Variants in ATG10 observed in about 807,000 individuals in gnomAD.
ATG10 encodes the protein autophagy related 10, also known as ubiquitin-like-conjugating enzyme ATG10.
ATG10 carries 30 observed loss-of-function variants against 32.1 expected under a neutral mutation model. That is an observed-to-expected ratio of 0.94 (90% CI 0.70 to 1.27). ATG10 has a LOEUF of 1.27. Ranked by LOEUF, ATG10 falls within the 50% of genes most tolerant of loss-of-function variation. The pLI is 0.00. For missense variants in ATG10, 233 were observed against 262.3 expected (o/e 0.89, Z 0.77); for synonymous variants, 87 against 91.5 (o/e 0.95, Z 0.28).
chr5:82,060,631 A>G (rs1763734860), intron 3 of ATG10, among the ~76,000 whole-genome samples: 1 of 152,210 alleles, frequency 6.6e-6, no homozygotes, highest in African/African-American at 2.4e-5. Context: ...TGAAAGGCCG[A>G]GGCAGGCGGA....
intron 5 of ATG10, among the ~76,000 whole-genome samples, chr5:82,209,416 G>C (rs1053678296): frequency 6.6e-6 from 1 of 152,132 alleles, no homozygotes; most frequent in African/African-American, 2.4e-5. Context: ...GGTGGGATTA[G>C]TGTGCTCATT....
At chr5:82,015,569 C>T (rs1223229396) in intron 2 of ATG10, among the ~76,000 whole-genome samples, 1 of 152,162 alleles carries the variant, frequency 6.6e-6, no homozygotes, top group Non-Finnish European at 1.5e-5. Context: ...CGCTTCAATT[C>T]ATTCATTTGA....
chr5:81,995,525 G>T (rs1411492063), intron 2 of ATG10, among the ~76,000 whole-genome samples: 2 of 152,088 alleles, frequency 1.3e-5, no homozygotes, highest in African/African-American at 4.8e-5. Flanking sequence ...CAAAAGATTT[G>T]CCTGTTTTGT....
At chr5:82,233,937 G>A (rs1451058459) in intron 5 of ATG10, among the ~76,000 whole-genome samples, 1 of 152,204 alleles carries the variant, frequency 6.6e-6, no homozygotes, top group Non-Finnish European at 1.5e-5. Flanking sequence ...GGAGCAGTTA[G>A]ACCCTGCAGC....
intron 3 of ATG10, among the ~76,000 whole-genome samples, chr5:82,092,281 A>C (rs770364107): frequency 2.6e-5 from 4 of 152,224 alleles, no homozygotes; most frequent in African/African-American, 4.8e-5. Flanking sequence ...AATATAAATT[A>C]AACTGCTAAA....
chr5:82,222,722 G>A lies in ATG10; in HGVS notation c.454-29840G>A, dbSNP rs369430738. On this transcript the variant is annotated intron_variant, in intron 5 of 7. Transcript: ENST00000282185. ...TGCTGCTGAGGTAAATAGCTACCAC[G>A]TGGAGATTGCCCCAGGTCTGGGAAG... Among the ~76,000 whole-genome samples, 6 of 152,192 alleles carry A rather than the reference G, an allele frequency of 3.9e-5. No individual in the cohort carries two copies. The South Asian group carries it at 6.2e-4, about 16-fold the overall frequency.
At chr5:81,978,851 T>C (rs1760946515) in intron 1 of ATG10, among the ~76,000 whole-genome samples, 4 of 152,050 alleles carry the variant, frequency 2.6e-5, no homozygotes, top group Non-Finnish European at 5.9e-5. Context: ...TGAAGAAAGG[T>C]ACTATAAATG....
At chr5:82,101,893 T>C (rs1262866280) in intron 3 of ATG10, among the ~76,000 whole-genome samples, 1 of 152,244 alleles carries the variant, frequency 6.6e-6, no homozygotes, top group East Asian at 1.9e-4. Flanking sequence ...TTCTGTTTAC[T>C]ACAATCAATA....
intron 5 of ATG10, chr5:82,242,730 A>C (rs995587310): frequency 2.8e-6 from 1 of 357,292 alleles, no homozygotes; most frequent in Admixed American, 4.0e-5. Context: ...ATACCTACAA[A>C]AACCTATTTT....
At chr5:82,201,485 C>G (rs1174510095) in intron 5 of ATG10, among the ~76,000 whole-genome samples, 1 of 152,132 alleles carries the variant, frequency 6.6e-6, no homozygotes, top group African/African-American at 2.4e-5. Flanking sequence ...TTTCTGGACT[C>G]TCTGTTCTGT....
At chr5:82,070,413 T>A (rs1764091593) in intron 3 of ATG10, among the ~76,000 whole-genome samples, 1 of 152,194 alleles carries the variant, frequency 6.6e-6, no homozygotes, top group African/African-American at 2.4e-5. Flanking sequence ...CCAATAAGTA[T>A]TTGTGAAGCA....
rs543887489 is a variant in ATG10, at chr5:82,056,731, C to G, written c.109-1764C>G. ...GTAATTAGTGTAACAGTAGCCAATG[C>G]TCCTCTAAGGAACCATTCCCTTCTC... On this transcript the variant is annotated intron_variant, in intron 2 of 7. Coordinates refer to ENST00000282185, the MANE Select transcript of ATG10 (RefSeq NM_031482.5). Among the ~76,000 whole-genome samples the G allele has an allele frequency of 4.2e-4, 64 of 152,264 alleles. 1 individual carries two copies. The highest frequency in any genetic ancestry group is 1.5e-3 in the African/African-American group (61 of 41,564).
intron 2 of ATG10, among the ~76,000 whole-genome samples, chr5:82,047,158 G>A (rs569770215): frequency 3.9e-5 from 6 of 152,074 alleles, no homozygotes; most frequent in African/African-American, 7.2e-5. Flanking sequence ...TGTCCCCTCC[G>A]ATCAGTTATA....
intron 3 of ATG10, among the ~76,000 whole-genome samples, chr5:82,097,112 G>A (rs1765095780): frequency 6.6e-6 from 1 of 152,116 alleles, no homozygotes; most frequent in Non-Finnish European, 1.5e-5. Flanking sequence ...TTGTAGAACA[G>A]AGTTTTTAGT....
At chr5:82,185,512 A>G (rs986879527) in intron 5 of ATG10, among the ~76,000 whole-genome samples, 1 of 152,172 alleles carries the variant, frequency 6.6e-6, no homozygotes, top group African/African-American at 2.4e-5. Flanking sequence ...GCATATCCCA[A>G]ATACCACTGA....
intron 3 of ATG10, among the ~76,000 whole-genome samples, chr5:82,122,342 C>T (rs1766077536): frequency 6.6e-6 from 1 of 152,030 alleles, no homozygotes; most frequent in South Asian, 2.1e-4. Flanking sequence ...CTCTTTTTTA[C>T]ATCGTATACA....
intron 5 of ATG10, among the ~76,000 whole-genome samples, chr5:82,187,597 A>T (rs1744502960): frequency 6.7e-6 from 1 of 149,256 alleles, no homozygotes; most frequent in Non-Finnish European, 1.5e-5. Context: ...CTTTTTTTTG[A>T]AACTGTGTTT....
chr5:82,014,791 T>G (rs192254887), intron 2 of ATG10, among the ~76,000 whole-genome samples: 249 of 152,328 alleles, frequency 1.6e-3, no homozygotes, highest in African/African-American at 5.6e-3. Flanking sequence ...AATTTGCCAG[T>G]CTGTGTCTTT....
At chr5:82,165,536 C>T (rs924563341) in intron 4 of ATG10, among the ~76,000 whole-genome samples, 17 of 152,148 alleles carry the variant, frequency 1.1e-4, no homozygotes, top group Admixed American at 2.0e-4. Context: ...CTCATAGACT[C>T]CCTGGTGAGA....
Sources: gnomAD v4.1 joint callset for allele counts (sites outside exome capture counted in the v4.1 genomes callset) on GRCh38, gnomAD v4.1.1 for gene constraint, MANE v1.5 for transcripts, NCBI Gene and HGNC (gene_info 2026-07-23, HGNC 2026-07-21) for gene names.